OLFM1: variants seen among roughly 807,000 people sequenced by gnomAD.
The protein encoded by OLFM1 is olfactomedin 1.
A neutral mutation model predicts 49.7 loss-of-function variants in OLFM1; 9 were observed. The observed-to-expected ratio is 0.18, with a 90% CI of 0.11 to 0.32. The LOEUF (loss-of-function observed/expected upper bound fraction) is 0.32, where lower values mean the gene tolerates loss of function less well. Among genes scored for constraint, OLFM1 ranks in the 10% least tolerant of loss-of-function variants. The pLI is 1.00. For missense variants in OLFM1, 369 were observed against 661.8 expected, an observed-to-expected ratio of 0.56 and a Z score of 4.85; for synonymous variants, 240 against 271.8, an observed-to-expected ratio of 0.88 and a Z score of 1.15.
At chr9:135,097,078 C>G (rs1435528536) in intron 3 of OLFM1, among the ~76,000 whole-genome samples, 1 of 152,160 alleles carries the variant, frequency 6.6e-6, no homozygotes, top group Non-Finnish European at 1.5e-5. Context: ...CACAGCCTCG[C>G]CCGACTAGAA....
rs1380192575 is a variant in OLFM1 at position 135,117,204 on chromosome 9, T to G, written c.784-2300T>G. Among the ~76,000 whole-genome samples the G allele has an allele frequency of 6.6e-6, 1 of 152,232 alleles. No homozygotes were observed. The highest frequency in any genetic ancestry group is 2.4e-5 in the African/African-American group (1 of 41,466). ...AAGTCCAGACAGTTCTCAAGTCAAC[T>G]GGCATTTCATCGGAAATCTCTTCTT... is the stretch of plus-strand genomic sequence containing the variant. On this transcript the variant is annotated intron_variant, in intron 5 of 5. Coordinates refer to ENST00000371793, the MANE Select transcript of OLFM1 (RefSeq NM_001282611.2). The surrounding 1 kb of genome is among the most constrained non-coding windows in gnomAD (Gnocchi z 5.5).
intron 3 of OLFM1, among the ~76,000 whole-genome samples, 198 bp downstream of exon 3, chr9:135,096,217 C>T (rs1588211490): frequency 6.8e-6 from 1 of 146,392 alleles, no homozygotes; most frequent in East Asian, 2.0e-4. Context: ...TCATCCTCCT[C>T]TTCCTCCTCC....
intron 3 of OLFM1, chr9:135,097,751 T>G: frequency 6.3e-7 from 1 of 1,585,554 alleles, no homozygotes; most frequent in Admixed American, 1.7e-5. Context: ...GAGCTAGTTC[T>G]TCAACGGTAT....
At chr9:135,091,870 C>CTT (rs1830718787) in intron 2 of OLFM1, among the ~76,000 whole-genome samples, 1 of 137,022 alleles carries the variant, frequency 7.3e-6, no homozygotes, top group South Asian at 2.5e-4. Flanking sequence ...CACACTCACA[C>CTT]ACAGTCACAC....
intron 3 of OLFM1, among the ~76,000 whole-genome samples, chr9:135,096,534 C>T (rs1428358491): frequency 6.6e-6 from 1 of 152,246 alleles, no homozygotes. Context: ...TTGACAGGGG[C>T]GGCCTGAGTG....
chr9:135,078,241 T>C (rs141669337), intron 1 of OLFM1, among the ~76,000 whole-genome samples: 5 of 152,352 alleles, frequency 3.3e-5, no homozygotes, highest in African/African-American at 1.2e-4. Flanking sequence ...GCTTCCACTG[T>C]AGGTAAATTG....
At position 135,080,929 on chromosome 9, in the gene OLFM1, T is replaced by C. The variant is rs1416151441; in HGVS notation, c.96+5127T>C. On this transcript the variant is annotated intron_variant, in intron 1 of 5. Coordinates refer to the OLFM1 transcript ENST00000252854. This position sits in a 1 kb window ranked among gnomAD's most constrained non-coding sequence, Gnocchi z 4.5. ...GGAAGTAAAAATGCACACCTCTGAG[T>C]TTTTTTAGATTATTAAAATAATAAT... is the stretch of plus-strand genomic sequence containing the variant. 6.6e-6 allele frequency among the ~76,000 whole-genome samples: 1 copy of C among 151,530 alleles called. No homozygotes were observed. Among genetic ancestry groups the C allele is most frequent in the Non-Finnish European group, 1.5e-5 (1 of 67,936 alleles).
intron 5 of OLFM1, among the ~76,000 whole-genome samples, chr9:135,107,509 G>A (rs1830962091): frequency 6.6e-6 from 1 of 152,116 alleles, no homozygotes; most frequent in Admixed American, 6.5e-5. Flanking sequence ...GACTGATGGT[G>A]AGGCCCGGCC....
At chr9:135,076,619 C>G in intron 1 of OLFM1, 1 of 1,087,328 alleles carries the variant, frequency 9.2e-7, no homozygotes, top group Admixed American at 2.9e-5. Flanking sequence ...GCCTGCCAGC[C>G]GAGGGAGCCG....
upstream of OLFM1, among the ~76,000 whole-genome samples, chr9:135,085,643 G>T (rs1392538165): frequency 6.6e-6 from 1 of 152,258 alleles, no homozygotes; most frequent in Non-Finnish European, 1.5e-5. Flanking sequence ...AAGAGAAGTC[G>T]TGAAGAAATT....
At chr9:135,087,602 G>T, upstream of OLFM1, 1 of 822,376 alleles carries the variant, frequency 1.2e-6, no homozygotes, top group Non-Finnish European at 1.7e-6. Context: ...GGCGGATTGC[G>T]TCGGTCCCGC....
At chr9:135,108,098 C>A (rs983766316) in intron 5 of OLFM1, among the ~76,000 whole-genome samples, 3 of 152,186 alleles carry the variant, frequency 2.0e-5, no homozygotes, top group Non-Finnish European at 4.4e-5. Flanking sequence ...ACTGCAGAGC[C>A]GGGATACAAT....
At position 135,098,610 on chromosome 9, in the gene OLFM1, G is replaced by A. The variant is rs542384773; in HGVS notation, c.676+105G>A. The A allele has an allele frequency of 2.8e-5, 29 of 1,035,092 alleles. No homozygotes were observed. The African/African-American group carries it at 4.0e-4, about 14-fold the overall frequency. The allele number at this position is 1,035,092 out of a possible 1,614,324, so 64.1% of individuals were successfully genotyped here. ...GTGGACAGCGCCCGCCTGGCTTCGC[G>A]AGGTGATGGCTGGATTAGGGCTCCT... On this transcript the variant is annotated intron_variant, in intron 4 of 5. Transcript: ENST00000371793. The surrounding 1 kb of genome is among the most constrained non-coding windows in gnomAD (Gnocchi z 5.6).
upstream of OLFM1, among the ~76,000 whole-genome samples, chr9:135,084,478 C>T (rs111610556): frequency 7.1e-6 from 1 of 140,632 alleles, no homozygotes; most frequent in Non-Finnish European, 1.6e-5. This position sits in a 1 kb window ranked among gnomAD's most constrained non-coding sequence, Gnocchi z 4.6. Flanking sequence ...TCTGTCTCTC[C>T]TCTCTCTGTT....
chr9:135,076,607 G>A, intron 1 of OLFM1: 2 of 1,070,764 alleles, frequency 1.9e-6, no homozygotes, highest in Non-Finnish European at 1.3e-6. Context: ...GTGCTCGGAA[G>A]AGCCTGCCAG....
intron 5 of OLFM1, among the ~76,000 whole-genome samples, chr9:135,107,543 C>T (rs913842273): frequency 6.6e-6 from 1 of 152,090 alleles, no homozygotes; most frequent in Non-Finnish European, 1.5e-5. Context: ...GGGCCCCAGA[C>T]CCCTGTATAC....
chr9:135,111,676 G>A lies in OLFM1; in HGVS notation c.783+4821G>A, dbSNP rs888483411. ...GGAGCTGCTCCACACTGGAGTCTGC[G>A]TCTCTCTGCTGCCCCTCCCAGCTCT... On this transcript the variant is annotated intron_variant, in intron 5 of 5. Transcript: ENST00000371793. 8.5e-5 allele frequency among the ~76,000 whole-genome samples: 13 copies of A among 152,258 alleles called. No individual in the cohort carries two copies. In the South Asian group the frequency reaches 1.5e-3, roughly 17 times the overall value.
At chr9:135,081,497 G>A (rs1830532249) in intron 1 of OLFM1, among the ~76,000 whole-genome samples, 1 of 152,112 alleles carries the variant, frequency 6.6e-6, no homozygotes, top group African/African-American at 2.4e-5. Flanking sequence ...TCCACTTGTG[G>A]TTTCCTTGCA....
At chr9:135,086,747 G>A, upstream of OLFM1, 1 of 455,080 alleles carries the variant, frequency 2.2e-6, no homozygotes, top group South Asian at 1.6e-5. Context: ...GGTCGCCGCA[G>A]AGGGCCGGGA....
Sources: gnomAD v4.1 joint callset for allele counts (sites outside exome capture counted in the v4.1 genomes callset) on GRCh38, gnomAD v4.1.1 for gene constraint, Gnocchi (gnomAD v3.1) non-coding constraint, MANE v1.5 for transcripts, NCBI Gene and HGNC (gene_info 2026-07-23, HGNC 2026-07-21) for gene names.